DCAF17: variants seen among roughly 807,000 people sequenced by gnomAD.
The protein encoded by DCAF17 is DDB1 and CUL4 associated factor 17.
A neutral mutation model predicts 66.0 loss-of-function variants in DCAF17; 48 were observed. That is an observed-to-expected ratio of 0.73 (90% CI 0.58 to 0.92). The LOEUF (loss-of-function observed/expected upper bound fraction) is 0.92, where lower values mean the gene tolerates loss of function less well. Ranked by LOEUF, DCAF17 falls within the 40% of genes least tolerant of loss-of-function variation. The pLI, the probability that DCAF17 is intolerant of heterozygous loss-of-function variation, is 0.00. For synonymous variants in DCAF17, 206 were observed against 214.6 expected, an observed-to-expected ratio of 0.96 and a Z score of 0.35; for missense variants, 562 against 622.8, an observed-to-expected ratio of 0.90 and a Z score of 1.04.
At position 171,483,364 on chromosome 2, in the gene DCAF17, A is replaced by C; in HGVS notation, c.*2250A>C. On this transcript the variant is annotated 3_prime_UTR_variant, in exon 14 of 14. Coordinates refer to ENST00000375255, the MANE Select transcript of DCAF17 (RefSeq NM_025000.4). ...AATTCTGAGTGTTTAATGCAAGCCC[A>C]GGTGAAGCAGGGTAGCTTCCATCAG... The C allele has an allele frequency of 2.2e-6, 1 of 454,162 alleles. No homozygotes were observed. The allele number at this position is 454,162 out of a possible 1,614,324, so 28.1% of individuals were successfully genotyped here.
chr2:171,451,191 CT>C (rs1304509232), intron 5 of DCAF17, among the ~76,000 whole-genome samples: 6 of 152,100 alleles, frequency 3.9e-5, no homozygotes, highest in Admixed American at 2.0e-4. Context: ...CTCTTGTCTA[CT>C]TTTTCTGTAT....
In DCAF17 at chr2:171,434,765, G is replaced by C. The variant is rs796932573; in HGVS notation, c.126+62G>C. On this transcript the variant is annotated intron_variant, in intron 1 of 13. Transcript: ENST00000375255. ...CGGGCGCGCGGCGGCCGAGCCTCCT[G>C]CGGGGATGCGGTTTTAACGCGCTGG... is the stretch of plus-strand genomic sequence containing the variant. The C allele has an allele frequency of 5.5e-5, 77 of 1,390,668 alleles. No homozygotes were observed. The East Asian group carries it at 8.0e-4, about 15-fold the overall frequency. 86.1% of individuals were successfully genotyped at this position (1,390,668 alleles called of 1,614,324 possible). A position where few individuals can be genotyped will look rare whatever the true frequency, so the allele number is the denominator to read the frequency against.
At chr2:171,473,726 C>T in intron 9 of DCAF17, 140 bp from the exon 10 acceptor site, 1 of 702,896 alleles carries the variant, frequency 1.4e-6, no homozygotes. Context: ...TCATTTGGCC[C>T]TCAAATATAT....
intron 5 of DCAF17, among the ~76,000 whole-genome samples, chr2:171,451,391 ATCTC>A (rs1002134621): frequency 6.6e-6 from 1 of 151,980 alleles, no homozygotes; most frequent in East Asian, 2.0e-4. Flanking sequence ...GAGAGATGCT[ATCTC>A]TCTCTTAGTA....
chr2:171,465,021 C>T (rs149692963), intron 8 of DCAF17, among the ~76,000 whole-genome samples: 331 of 152,104 alleles, frequency 2.2e-3, no homozygotes, highest in African/African-American at 7.4e-3. Flanking sequence ...CATGGTGAAA[C>T]CCTGTCTCTA....
chr2:171,464,269 C>T (rs1393955086), intron 8 of DCAF17, among the ~76,000 whole-genome samples: 2 of 152,194 alleles, frequency 1.3e-5, no homozygotes, highest in Non-Finnish European at 2.9e-5. Context: ...GAAATTGATT[C>T]TCTCACAGTT....
chr2:171,475,170 G>T (rs1318989311), intron 10 of DCAF17, among the ~76,000 whole-genome samples: 1 of 152,026 alleles, frequency 6.6e-6, no homozygotes, highest in Non-Finnish European at 1.5e-5. Flanking sequence ...TCCCCTACCT[G>T]TTCTGCCTAA....
chr2:171,449,820 G>C, intron 4 of DCAF17, 59 bp from the exon 5 acceptor site: 1 of 1,060,980 alleles, frequency 9.4e-7, no homozygotes. Context: ...ATAATATTTT[G>C]GTTTTAAGTA....
intron 11 of DCAF17, among the ~76,000 whole-genome samples, chr2:171,477,766 A>G (rs1696563639): frequency 6.6e-6 from 1 of 152,190 alleles, no homozygotes; most frequent in South Asian, 2.1e-4. Context: ...CAGTGAGGCA[A>G]GATCGCACCA....
chr2:171,464,968 G>T (rs544137502), intron 8 of DCAF17, among the ~76,000 whole-genome samples: 1 of 152,282 alleles, frequency 6.6e-6, no homozygotes, highest in South Asian at 2.1e-4. Flanking sequence ...GGCCAAGGCA[G>T]GTGGATCACT....
At chr2:171,473,532 TATTAAG>T (rs1696358328) in intron 9 of DCAF17, among the ~76,000 whole-genome samples, 1 of 152,080 alleles carries the variant, frequency 6.6e-6, no homozygotes, top group African/African-American at 2.4e-5. Context: ...CTTTGAGTGT[TATTAAG>T]ATTAAATGAA....
chr2:171,450,282 G>A (rs1317030430), intron 5 of DCAF17, among the ~76,000 whole-genome samples: 1 of 152,142 alleles, frequency 6.6e-6, no homozygotes, highest in Non-Finnish European at 1.5e-5. Flanking sequence ...TGGGTATAGT[G>A]TATACCACTC....
At chr2:171,470,893 A>G (rs1482762293) in intron 9 of DCAF17, among the ~76,000 whole-genome samples, 1 of 151,604 alleles carries the variant, frequency 6.6e-6, no homozygotes, top group Non-Finnish European at 1.5e-5. Context: ...AAATATTCAG[A>G]AAAAAAAAGG....
rs189942415 is a variant in DCAF17 at position 171,476,810 on chromosome 2, T to G, written c.1092-50T>G. On this transcript the variant is annotated intron_variant, in intron 10 of 13. Transcript: ENST00000375255. Reference sequence around the variant, plus strand: ...CTTCAGTACTTAAACTTTGGCACCTTGATGGTGTTTTGAAGTCTTAGGTTC... The same window carrying G: ...CTTCAGTACTTAAACTTTGGCACCTGGATGGTGTTTTGAAGTCTTAGGTTC... 7.9e-6 allele frequency: 11 copies of G among 1,395,826 alleles called. No individual in the cohort carries two copies. In the African/African-American group the frequency reaches 1.6e-4, roughly 20 times the overall value. 86.5% of individuals were successfully genotyped at this position (1,395,826 alleles called of 1,614,324 possible).
At chr2:171,455,162 C>T (rs148595487) in intron 6 of DCAF17, among the ~76,000 whole-genome samples, 18 of 151,952 alleles carry the variant, frequency 1.2e-4, no homozygotes, top group Non-Finnish European at 2.2e-4. Context: ...CCGATAGGCC[C>T]GAGTGTGTGT....
At chr2:171,440,664 G>A (rs558629141) in intron 2 of DCAF17, among the ~76,000 whole-genome samples, 3 of 152,232 alleles carry the variant, frequency 2.0e-5, no homozygotes, top group South Asian at 4.2e-4. Flanking sequence ...GTAGGAGTTC[G>A]GCTATGATTA....
intron 2 of DCAF17, among the ~76,000 whole-genome samples, chr2:171,437,271 A>G (rs1243857426): frequency 6.6e-6 from 1 of 152,164 alleles, no homozygotes; most frequent in Non-Finnish European, 1.5e-5. Context: ...TATAGGGTAT[A>G]AGGTAGGTAT....
At chr2:171,469,484 G>A (rs142043787) in intron 9 of DCAF17, among the ~76,000 whole-genome samples, 134 of 152,256 alleles carry the variant, frequency 8.8e-4, no homozygotes, top group African/African-American at 3.0e-3. Context: ...GAATTTTTAA[G>A]GATATTCTTA....
rs1272728916 is a variant in DCAF17, at chr2:171,480,976, A to G, written c.1425A>G (p.Thr475=). ...SIPLVESWDV[T]YSHEVYFDRD... ...CATATGATTGTGTTTTGTTACAGAC[A>G]TATAGCCATGAAGTCTACTTTGACA... The change falls in exon 14 of 14, where the codon ACA becomes ACG. Residue 475 remains threonine (T), a splice_region_variant and synonymous_variant. Coordinates refer to ENST00000375255, the MANE Select transcript of DCAF17 (RefSeq NM_025000.4). 2 of 1,613,746 alleles carry G rather than the reference A, an allele frequency of 1.2e-6. No individual in the cohort carries two copies. Among genetic ancestry groups the G allele is most frequent in the Non-Finnish European group, 1.7e-6 (2 of 1,179,640 alleles).
Sources: allele counts gnomAD v4.1 joint callset (sites outside exome capture counted in the v4.1 genomes callset), GRCh38; gene constraint gnomAD v4.1.1; transcripts MANE v1.5; gene names NCBI Gene and HGNC (gene_info 2026-07-23, HGNC 2026-07-21).